The following RYR3 variants were observed in gnomAD, a reference collection of about 807,000 sequenced individuals.
RYR3 encodes the protein ryanodine receptor 3, also known as brain ryanodine receptor-calcium release channel.
Under a neutral mutation model 584.3 loss-of-function variants are expected in RYR3, and 207 were observed. The observed-to-expected ratio is 0.35, with a 90% confidence interval of 0.32 to 0.40. The LOEUF is 0.40. RYR3 is among the 10% of genes least tolerant of loss of function. The probability of loss-of-function intolerance (pLI) is 1.00; values close to 1 mark genes in which losing one functional copy is unlikely to be tolerated. For missense variants in RYR3, 5,616 were observed against 6,089.2 expected, an observed-to-expected ratio of 0.92 and a Z score of 2.59; for synonymous variants, 2,416 against 2,248.5, an observed-to-expected ratio of 1.07 and a Z score of -2.11.
chr15:33,661,686 A>G (rs1040655867), intron 34 of RYR3, among the ~76,000 whole-genome samples: 10 of 152,166 alleles, frequency 6.6e-5, no homozygotes, highest in African/African-American at 2.4e-4. Flanking sequence ...TTACACTCCT[A>G]TGAAAATCTA....
chr15:33,810,891 G>C (rs548314835), intron 71 of RYR3, 87 bp from the exon 72 acceptor site: 1 of 1,210,600 alleles, frequency 8.3e-7, no homozygotes, highest in East Asian at 2.5e-5. Context: ...CAGTGAAACT[G>C]TGCGTTGACT....
chr15:33,390,928 A>G lies in RYR3; in HGVS notation c.51+79832A>G, dbSNP rs777743138. 3.3e-5 allele frequency among the ~76,000 whole-genome samples: 5 copies of G among 152,196 alleles called. No individual in the cohort carries two copies. The highest frequency in any genetic ancestry group is 6.5e-5 in the Admixed American group (1 of 15,284). ...CCCATCACAGGAGGGAATGGGTATA[A>G]GGAAGCCTGGCATTGATTTCTCTGC... On this transcript the variant is annotated intron_variant, in intron 1 of 103. Coordinates refer to ENST00000634891, the MANE Select transcript of RYR3 (RefSeq NM_001036.6). This position sits in a 1 kb window ranked among gnomAD's most constrained non-coding sequence, Gnocchi z 4.2.
intron 2 of RYR3, among the ~76,000 whole-genome samples, chr15:33,479,757 C>T (rs2049793044): frequency 6.6e-6 from 1 of 152,120 alleles, no homozygotes; most frequent in Non-Finnish European, 1.5e-5. Context: ...AGGCATATTA[C>T]TCCATGTAAT....
chr15:33,813,708 CAGTCTGCAT>C, intron 74 of RYR3, 129 bp downstream of exon 74: 1 of 744,880 alleles, frequency 1.3e-6, no homozygotes, highest in South Asian at 1.7e-5. Context: ...GGAGCTATTG[CAGTCTGCAT>C]AGTATAAGGG....
At chr15:33,437,339 C>T (rs1004433118) in intron 1 of RYR3, among the ~76,000 whole-genome samples, 3 of 152,202 alleles carry the variant, frequency 2.0e-5, no homozygotes, top group Non-Finnish European at 4.4e-5. Flanking sequence ...TTAACATTTT[C>T]CTCATGGTTA....
intron 60 of RYR3, among the ~76,000 whole-genome samples, chr15:33,765,008 G>C (rs1342905190): frequency 4.5e-4 from 50 of 111,160 alleles, no homozygotes; most frequent in Non-Finnish European, 6.5e-4. Flanking sequence ...TCCAGCCTGG[G>C]CAACAGAGCA....
At chr15:33,776,188 A>C (rs2073981619) in intron 64 of RYR3, among the ~76,000 whole-genome samples, 1 of 152,194 alleles carries the variant, frequency 6.6e-6, no homozygotes, top group Non-Finnish European at 1.5e-5. Context: ...ATGATTCAAG[A>C]CACCTTGGTG....
At chr15:33,826,938 C>T (rs2077406176) in intron 84 of RYR3, among the ~76,000 whole-genome samples, 186 bp downstream of exon 84, 1 of 152,188 alleles carries the variant, frequency 6.6e-6, no homozygotes, top group South Asian at 2.1e-4. Context: ...TAAGCTGCTT[C>T]CAGAATCTTC....
rs542478580 is a variant in RYR3 at position 33,815,000 on chromosome 15, G to A, written c.10502+1421G>A. 4.0e-5 allele frequency among the ~76,000 whole-genome samples: 6 copies of A among 151,398 alleles called. No homozygotes were observed. In the East Asian group the frequency reaches 1.2e-3, roughly 29 times the overall value. Reference sequence around the variant, plus strand: ...CAGGAGAATCGCTTGAACCTGGGAGGCGGAGGTTGCAGTGAACAGAGGTAA... The same window carrying A: ...CAGGAGAATCGCTTGAACCTGGGAGACGGAGGTTGCAGTGAACAGAGGTAA... On this transcript the variant is annotated intron_variant, in intron 74 of 103. Coordinates refer to ENST00000634891, the MANE Select transcript of RYR3 (RefSeq NM_001036.6).
rs548882263 is a variant in RYR3 at position 33,576,771 on chromosome 15, A to G, written c.1269-3205A>G. Among the ~76,000 whole-genome samples, 60 of 151,486 alleles carry G rather than the reference A, an allele frequency of 4.0e-4. No individual in the cohort carries two copies. In the South Asian group the frequency reaches 6.2e-3, roughly 16 times the overall value. On this transcript the variant is annotated intron_variant, in intron 12 of 103. Transcript: ENST00000634891. ...AGTGTTGGAAGTTCAGGCCAGGTCA[A>G]TCAGGCAAGAGAAAGAAATAAAGGG...
intron 43 of RYR3, among the ~76,000 whole-genome samples, chr15:33,719,889 T>G (rs1308589216): frequency 1.3e-5 from 2 of 152,230 alleles, no homozygotes; most frequent in African/African-American, 4.8e-5. Flanking sequence ...TTCCAGAATA[T>G]GTTGATTCCT....
intron 31 of RYR3, among the ~76,000 whole-genome samples, chr15:33,652,295 C>T (rs574754929): frequency 8.5e-5 from 13 of 152,308 alleles, no homozygotes; most frequent in African/African-American, 2.9e-4. Flanking sequence ...GGTTACCAGA[C>T]TGGGACTCTG....
intron 14 of RYR3, 78 bp downstream of exon 14, chr15:33,581,721 C>T (rs909756910): frequency 1.5e-6 from 2 of 1,311,408 alleles, no homozygotes; most frequent in Non-Finnish European, 2.2e-6. Flanking sequence ...TTGTCTTTAA[C>T]TTGCCATTAA....
chr15:33,391,644 T>A (rs2042006338), intron 1 of RYR3, among the ~76,000 whole-genome samples: 1 of 146,762 alleles, frequency 6.8e-6, no homozygotes, highest in Non-Finnish European at 1.5e-5. Flanking sequence ...AAAAAAAAAT[T>A]AAAATTTGAA....
chr15:33,705,088 G>A (rs969615514), intron 42 of RYR3, among the ~76,000 whole-genome samples: 8 of 122,830 alleles, frequency 6.5e-5, no homozygotes, highest in Non-Finnish European at 1.3e-4. Flanking sequence ...ACACACACAT[G>A]CACACACACT....
At chr15:33,363,338 G>A (rs1975033501) in intron 1 of RYR3, among the ~76,000 whole-genome samples, 1 of 152,148 alleles carries the variant, frequency 6.6e-6, no homozygotes, top group Admixed American at 6.5e-5. Flanking sequence ...GCTAACATTT[G>A]TTAACTAATT....
chr15:33,437,440 C>T lies in RYR3; in HGVS notation c.52-35979C>T, dbSNP rs550511620. Among the ~76,000 whole-genome samples the T allele has an allele frequency of 6.6e-5, 10 of 152,294 alleles. No homozygotes were observed. In the East Asian group the frequency reaches 1.4e-3, roughly 21 times the overall value. On this transcript the variant is annotated intron_variant, in intron 1 of 103. Coordinates refer to ENST00000634891, the MANE Select transcript of RYR3 (RefSeq NM_001036.6). ...AAAGGTCAAAGACCTGATCTTGTTACGATTTACCTTTTAGTTTTTCAGGAA... is the reference window on the plus strand; with the variant it reads ...AAAGGTCAAAGACCTGATCTTGTTATGATTTACCTTTTAGTTTTTCAGGAA...
chr15:33,830,809 C>G lies in RYR3; in HGVS notation c.11335-154C>G, dbSNP rs530233786. 25 of 626,704 alleles carry G rather than the reference C, an allele frequency of 4.0e-5. No individual in the cohort carries two copies. The South Asian group carries it at 5.7e-4, about 14-fold the overall frequency. The allele number at this position is 626,704 out of a possible 1,614,324, so 38.8% of individuals were successfully genotyped here. On this transcript the variant is annotated intron_variant, in intron 85 of 103. Transcript: ENST00000634891. ...TTTGTGCATGAAAGATCCTAGAGAC[C>G]TGGTATCTCTGCACTTCTTCACAGG...
chr15:33,636,401 G>C lies in RYR3; in HGVS notation c.3407G>C (p.Gly1136Ala). Residue 1136 changes from glycine to alanine, a missense_variant, in exon 27 of 104, where the codon GGG becomes GCG. Physicochemically the swap from Gly to Ala is moderately conservative, Grantham distance 60 (BLOSUM62 0). Around this residue, in one of 9 missense-constraint regions of RYR3, gnomAD observed 152 missense variants for 200.9 expected, o/e 0.76. Transcript: ENST00000634891. ...GGCCAGCGTTGGCATCAAGGAAGTG[G>C]GTATTTTGGGCGTACCTGGCAGCCA... ...NRGQRWHQGS[G>A]YFGRTWQPGD... 6.2e-7 allele frequency: 1 copy of C among 1,613,876 alleles called. No individual in the cohort carries two copies. Among genetic ancestry groups the C allele is most frequent in the Non-Finnish European group, 8.5e-7 (1 of 1,179,854 alleles).
Sources: gnomAD v4.1 joint callset for allele counts (sites outside exome capture counted in the v4.1 genomes callset) on GRCh38, gnomAD v4.1.1 for gene constraint, gnomAD v4.1.1 regional missense constraint, Gnocchi (gnomAD v3.1) non-coding constraint, MANE v1.5 for transcripts, NCBI Gene and HGNC (gene_info 2026-07-23, HGNC 2026-07-21) for gene names.